SDK1: variants seen among roughly 807,000 people sequenced by gnomAD.
SDK1 encodes sidekick cell adhesion molecule 1.
SDK1 carries 157 observed loss-of-function variants against 245.5 expected under a neutral mutation model. That is an observed-to-expected ratio of 0.64 (90% CI 0.56 to 0.73). The LOEUF is 0.73. SDK1 is among the 30% of genes least tolerant of loss of function. SDK1 has a pLI of 0.00. For synonymous variants in SDK1, 1,647 were observed against 1,278.5 expected (o/e 1.29, Z -6.15); for missense variants, 3,583 against 3,002.3 (o/e 1.19, Z -4.52).
At chr7:3,992,639 ATC>A (rs1784416110) in intron 14 of SDK1, among the ~76,000 whole-genome samples, 1 of 152,284 alleles carries the variant, frequency 6.6e-6, no homozygotes, top group Admixed American at 6.5e-5. Context: ...ATCAAAAATG[ATC>A]TTTCTTTGAG....
chr7:3,518,510 A>C (rs1296335230), intron 1 of SDK1, among the ~76,000 whole-genome samples: 2 of 152,142 alleles, frequency 1.3e-5, no homozygotes. Context: ...AAGATTAAAA[A>C]ATGAGCAAAT....
At chr7:3,633,895 C>T (rs949113512) in intron 2 of SDK1, among the ~76,000 whole-genome samples, 1 of 151,986 alleles carries the variant, frequency 6.6e-6, no homozygotes, top group Non-Finnish European at 1.5e-5. Flanking sequence ...GCTGCTGGCC[C>T]CACCAAATAC....
chr7:3,664,739 CA>C (rs3083410), intron 4 of SDK1, among the ~76,000 whole-genome samples: 57,624 of 123,436 alleles, frequency 0.47, 11,537 homozygotes, highest in South Asian at 0.66. Flanking sequence ...GACTCTGTCT[CA>C]AAAAAAAAAA....
intron 17 of SDK1, among the ~76,000 whole-genome samples, chr7:4,023,159 C>T (rs527916487): frequency 6.6e-6 from 1 of 152,248 alleles, no homozygotes; most frequent in Non-Finnish European, 1.5e-5. Flanking sequence ...AAGCTCTCGG[C>T]ATGGGCTAGC....
intron 17 of SDK1, among the ~76,000 whole-genome samples, chr7:4,048,424 T>C (rs2128165387): frequency 6.6e-6 from 1 of 152,302 alleles, no homozygotes; most frequent in South Asian, 2.1e-4. Flanking sequence ...TCAGCCGTGC[T>C]GCTGGGCACG....
chr7:3,670,613 C>A (rs1431435776), intron 4 of SDK1, among the ~76,000 whole-genome samples: 1 of 152,072 alleles, frequency 6.6e-6, no homozygotes, highest in Non-Finnish European at 1.5e-5. Context: ...TTAATAAGCC[C>A]CCAGTAAATG....
Position 3,474,091 on chromosome 7 carries a change from G to GTTTTTTTTTTTTTT in SDK1, c.299-144971_299-144958dup, listed in dbSNP as rs869083123. 9.3e-5 allele frequency among the ~76,000 whole-genome samples: 4 copies of GTTTTTTTTTTTTTT among 43,212 alleles called. 2 individuals carry two copies. Among genetic ancestry groups the GTTTTTTTTTTTTTT allele is most frequent in the African/African-American group, 2.0e-4 (2 of 9,900 alleles). 28.3% of individuals were successfully genotyped at this position (43,212 alleles called of 152,430 possible). On this transcript the variant is annotated intron_variant, in intron 1 of 44. Coordinates refer to ENST00000404826, the MANE Select transcript of SDK1 (RefSeq NM_152744.4). ...CAACTTGACATCTCTACCAGATGGT[G>GTTTTTTTTTTTTTT]TTTTTTTTTTTTTTTTTTTTTTTTT...
intron 1 of SDK1, among the ~76,000 whole-genome samples, chr7:3,552,636 A>C (rs1456712356): frequency 6.6e-6 from 1 of 152,196 alleles, no homozygotes; most frequent in Non-Finnish European, 1.5e-5. Flanking sequence ...TCTGAGCTGG[A>C]CTGACCACAG....
chr7:3,923,658 A>G (rs1160633970), intron 5 of SDK1, among the ~76,000 whole-genome samples: 2 of 152,182 alleles, frequency 1.3e-5, no homozygotes, highest in South Asian at 2.1e-4. Flanking sequence ...GGAAGTGCCT[A>G]TTTGCTCACC....
intron 4 of SDK1, among the ~76,000 whole-genome samples, chr7:3,667,324 A>G (rs887685255): frequency 6.6e-6 from 1 of 152,204 alleles, no homozygotes; most frequent in Non-Finnish European, 1.5e-5. Flanking sequence ...AACACCATTT[A>G]TTTTTTATGA....
intron 25 of SDK1, among the ~76,000 whole-genome samples, chr7:4,117,836 G>C (rs1335679729): frequency 9.2e-5 from 14 of 152,168 alleles, no homozygotes; most frequent in Admixed American, 8.5e-4. Flanking sequence ...TCCTGCAGTT[G>C]AGACACGGCT....
chr7:4,015,903 G>A (rs1276183513), intron 16 of SDK1, among the ~76,000 whole-genome samples: 1 of 152,200 alleles, frequency 6.6e-6, no homozygotes, highest in Non-Finnish European at 1.5e-5. Context: ...GAGGGAACGG[G>A]AGAATGCTCT....
chr7:3,529,227 C>T (rs1427506604), intron 1 of SDK1, among the ~76,000 whole-genome samples: 3 of 152,136 alleles, frequency 2.0e-5, no homozygotes, highest in Admixed American at 6.5e-5. Context: ...CATATACACA[C>T]CCAGAAGGCC....
At chr7:3,413,103 G>T (rs1006582722) in intron 1 of SDK1, among the ~76,000 whole-genome samples, 4 of 152,132 alleles carry the variant, frequency 2.6e-5, no homozygotes, top group African/African-American at 9.7e-5. Flanking sequence ...GTTATGGAAG[G>T]CCCCCTGAGG....
intron 1 of SDK1, among the ~76,000 whole-genome samples, chr7:3,451,739 G>C (rs1780521446): frequency 6.6e-6 from 1 of 152,154 alleles, no homozygotes; most frequent in African/African-American, 2.4e-5. Context: ...GTTCTACTCT[G>C]CGTGATCACT....
intron 4 of SDK1, among the ~76,000 whole-genome samples, chr7:3,716,114 CA>C (rs34348813): frequency 0.17 from 14,012 of 82,026 alleles, 672 homozygotes; most frequent in Middle Eastern, 0.27. Flanking sequence ...AAAAGGTAGA[CA>C]AAAAAAAAAA....
intron 9 of SDK1, among the ~76,000 whole-genome samples, chr7:3,964,157 C>G (rs1781916419): frequency 2.0e-5 from 3 of 152,234 alleles, no homozygotes; most frequent in Admixed American, 6.5e-5. Context: ...ATCTGTTCAG[C>G]CCCCTGAGGT....
intron 32 of SDK1, among the ~76,000 whole-genome samples, chr7:4,171,882 G>T (rs1443383033): frequency 6.6e-6 from 1 of 152,204 alleles, no homozygotes; most frequent in Non-Finnish European, 1.5e-5. Flanking sequence ...ATTGAAGAGG[G>T]CTGTGGGGCA....
At chr7:4,084,983 C>A (rs1037719810) in intron 22 of SDK1, among the ~76,000 whole-genome samples, 9 of 152,038 alleles carry the variant, frequency 5.9e-5, no homozygotes, top group African/African-American at 2.2e-4. Context: ...AGGCTGGTGT[C>A]GAACACCTTA....
Sources: gnomAD v4.1 joint callset for allele counts (sites outside exome capture counted in the v4.1 genomes callset) on GRCh38, gnomAD v4.1.1 for gene constraint, MANE v1.5 for transcripts, NCBI Gene and HGNC (gene_info 2026-07-23, HGNC 2026-07-21) for gene names.